DHX57: variants seen among roughly 807,000 people sequenced by gnomAD.
The protein encoded by DHX57 is putative ATP-dependent RNA helicase DHX57.
Under a neutral mutation model 156.2 loss-of-function variants are expected in DHX57, and 105 were observed. That is an observed-to-expected ratio of 0.67 (90% CI 0.57 to 0.79). The LOEUF (loss-of-function observed/expected upper bound fraction) is 0.79, where lower values mean the gene tolerates loss of function less well. Ranked by LOEUF, DHX57 falls within the 30% of genes least tolerant of loss-of-function variation. DHX57 has a pLI of 0.00. For synonymous variants in DHX57, 704 were observed against 595.6 expected, an observed-to-expected ratio of 1.18 and a Z score of -2.65; for missense variants, 1,847 against 1,661.9, an observed-to-expected ratio of 1.11 and a Z score of -1.94.
chr2:38,804,025 G>A (rs1158967682), intron 22 of DHX57, among the ~76,000 whole-genome samples: 20 of 152,038 alleles, frequency 1.3e-4, no homozygotes, highest in Admixed American at 1.2e-3. Context: ...CAAGTCATCC[G>A]CCCGCCTCGG....
Position 38,806,698 on chromosome 2 carries a change from A to T in DHX57, c.3682-5T>A. 1 of 1,612,596 alleles carries T rather than the reference A, an allele frequency of 6.2e-7. No homozygotes were observed. The highest frequency in any genetic ancestry group is 1.1e-5 in the South Asian group (1 of 90,694). Reference sequence around the variant, plus strand: ...TTTTCCTTCTGGGCTTTTCACCTAAACAACAAGTATTTGTAAAAATAGACA... The same window carrying T: ...TTTTCCTTCTGGGCTTTTCACCTAATCAACAAGTATTTGTAAAAATAGACA... On this transcript the variant is annotated splice_polypyrimidine_tract_variant and splice_region_variant and intron_variant, in intron 21 of 23. Coordinates refer to ENST00000457308, the MANE Select transcript of DHX57 (RefSeq NM_198963.3).
At chr2:38,837,246 C>T (rs1671726054) in intron 13 of DHX57, among the ~76,000 whole-genome samples, 1 of 152,074 alleles carries the variant, frequency 6.6e-6, no homozygotes, top group Admixed American at 6.6e-5. Context: ...TTCTTTTAAT[C>T]CCCAAAATAG....
chr2:38,873,628 A>C (rs866553422), intron 1 of DHX57, among the ~76,000 whole-genome samples: 1 of 152,208 alleles, frequency 6.6e-6, no homozygotes, highest in African/African-American at 2.4e-5. Flanking sequence ...GGTTGAAAAA[A>C]TGACTTATGT....
chr2:38,809,346 A>G (rs1258702896), intron 21 of DHX57, among the ~76,000 whole-genome samples: 3 of 151,878 alleles, frequency 2.0e-5, no homozygotes, highest in African/African-American at 7.3e-5. Context: ...GCTGGTCTCA[A>G]ACTCCTGGCC....
chr2:38,805,001 C>T (rs915885333), intron 22 of DHX57, among the ~76,000 whole-genome samples: 8 of 152,150 alleles, frequency 5.3e-5, no homozygotes, highest in Admixed American at 1.3e-4. Flanking sequence ...AGACTGTGTC[C>T]ATCTAGTTTC....
chr2:38,839,024 C>T (rs1000008139), intron 12 of DHX57, among the ~76,000 whole-genome samples: 21 of 151,264 alleles, frequency 1.4e-4, no homozygotes, highest in African/African-American at 4.9e-4. Context: ...CTCCACCTCC[C>T]GGATTCAAGC....
In DHX57 at chr2:38,854,940, TAAAA is replaced by T. The variant is rs1444085084; in HGVS notation, c.1905+113_1905+116del. The T allele has an allele frequency of 5.3e-6, 5 of 943,294 alleles. No homozygotes were observed. The African/African-American group carries it at 8.2e-5, about 16-fold the overall frequency. 58.4% of individuals were successfully genotyped at this position (943,294 alleles called of 1,614,324 possible). The stretch of plus-strand genomic sequence containing the variant: ...TGATTACCAAAGGTAATCATTAATT[TAAAA>T]ATAACCTGAAAGTATATATCCCAAA... On this transcript the variant is annotated intron_variant, in intron 8 of 23. Coordinates refer to ENST00000457308, the MANE Select transcript of DHX57 (RefSeq NM_198963.3).
rs768003168 is a variant in DHX57 at position 38,828,414 on chromosome 2, T to A, written c.2565A>T (p.Pro855=). The part of the protein sequence containing the change: ...YPPGAILVFL[P]GLAEIKMLYE... Reference sequence around the variant, plus strand: ...AAAGCATTTTGATTTCTGCTAGTCCTGGTAAAAATACAAGTATAGCACCTG... The same window carrying A: ...AAAGCATTTTGATTTCTGCTAGTCCAGGTAAAAATACAAGTATAGCACCTG... The change falls in exon 14 of 24, where the codon CCA becomes CCT. Residue 855 remains proline, a synonymous_variant. Transcript: ENST00000457308. 3 of 1,613,092 alleles carry A rather than the reference T, an allele frequency of 1.9e-6. No homozygotes were observed. Among genetic ancestry groups the A allele is most frequent in the Non-Finnish European group, 2.5e-6 (3 of 1,179,508 alleles).
At chr2:38,830,973 G>A (rs768714890) in intron 13 of DHX57, among the ~76,000 whole-genome samples, 1 of 152,012 alleles carries the variant, frequency 6.6e-6, no homozygotes, top group Non-Finnish European at 1.5e-5. Flanking sequence ...GCTGAGGGAG[G>A]TTGTAGGATT....
chr2:38,806,880 T>C (rs1669967334), intron 21 of DHX57, among the ~76,000 whole-genome samples, 187 bp from the exon 22 acceptor site: 1 of 151,510 alleles, frequency 6.6e-6, no homozygotes, highest in Non-Finnish European at 1.5e-5. Context: ...TTTTTTTTTT[T>C]TCCACCAAGA....
intron 10 of DHX57, 119 bp from the exon 11 acceptor site, chr2:38,847,192 G>T: frequency 6.5e-6 from 5 of 770,086 alleles, no homozygotes; most frequent in Non-Finnish European, 1.0e-5. Flanking sequence ...TTTGTTCTGT[G>T]GTCTTAAAAG....
intron 11 of DHX57, among the ~76,000 whole-genome samples, chr2:38,845,496 A>C (rs1176585197): frequency 6.6e-6 from 1 of 152,008 alleles, no homozygotes; most frequent in Non-Finnish European, 1.5e-5. Context: ...GAGAAGGAGA[A>C]AAATTCTGAC....
At chr2:38,807,218 C>G (rs1199189720) in intron 21 of DHX57, among the ~76,000 whole-genome samples, 1 of 151,950 alleles carries the variant, frequency 6.6e-6, no homozygotes, top group Non-Finnish European at 1.5e-5. Flanking sequence ...CCACACCCAG[C>G]TAATTTTTGT....
intron 12 of DHX57, among the ~76,000 whole-genome samples, chr2:38,839,796 G>A (rs1558383833): frequency 6.6e-6 from 1 of 151,906 alleles, no homozygotes; most frequent in Non-Finnish European, 1.5e-5. Context: ...ATGAAAAAAA[G>A]GAAGCAACAG....
chr2:38,809,718 C>T (rs1054320001), intron 21 of DHX57, among the ~76,000 whole-genome samples: 5 of 152,116 alleles, frequency 3.3e-5, no homozygotes, highest in Admixed American at 2.0e-4. Flanking sequence ...CCTCCTCGGC[C>T]TCCCAAAGTG....
At chr2:38,828,766 C>G (rs892850991) in intron 13 of DHX57, among the ~76,000 whole-genome samples, 1 of 150,040 alleles carries the variant, frequency 6.7e-6, no homozygotes, top group Admixed American at 6.7e-5. Context: ...GTTTTATTTT[C>G]TTTGTAAAGT....
chr2:38,874,610 C>A (rs1417749460), intron 1 of DHX57, among the ~76,000 whole-genome samples: 4 of 151,714 alleles, frequency 2.6e-5, no homozygotes, highest in African/African-American at 9.7e-5. Flanking sequence ...AGGGTTTCAC[C>A]GTGTTAGCCA....
In DHX57 at chr2:38,823,100, G is replaced by A; in HGVS notation, c.3184C>T (p.Leu1062=). 6.2e-7 allele frequency: 1 copy of A among 1,614,192 alleles called. No homozygotes were observed. The highest frequency in any genetic ancestry group is 1.6e-4 in the Middle Eastern group (1 of 6,062). ...TTGCCAATTCTCACATCCACGGGCA[G>A]AGAGGCCAAATGATACCCAAGAGGG... is the stretch of plus-strand genomic sequence containing the variant. ...LTPLGYHLAS[L]PVDVRIGKLM... The change falls in exon 17 of 24, where the codon CTG becomes TTG. Residue 1062 remains leucine, a synonymous_variant. Coordinates refer to ENST00000457308, the MANE Select transcript of DHX57 (RefSeq NM_198963.3).
At chr2:38,872,107 C>T (rs2124954800) in intron 1 of DHX57, among the ~76,000 whole-genome samples, 1 of 152,248 alleles carries the variant, frequency 6.6e-6, no homozygotes, top group African/African-American at 2.4e-5. Flanking sequence ...TGTTATTAGG[C>T]CCCATCTCCT....
Sources: allele counts gnomAD v4.1 joint callset (sites outside exome capture counted in the v4.1 genomes callset), GRCh38; gene constraint gnomAD v4.1.1; transcripts MANE v1.5; gene names NCBI Gene and HGNC (gene_info 2026-07-23, HGNC 2026-07-21).